Variants in CLASP2 observed in about 807,000 individuals in gnomAD.
CLASP2 encodes CLIP-associating protein 2.
Under a neutral mutation model 194.4 loss-of-function variants are expected in CLASP2, and 47 were observed. The ratio of observed to expected loss-of-function variants is 0.24; its 90% confidence interval spans 0.19 to 0.31. CLASP2 has a LOEUF of 0.31. Ranked by LOEUF, CLASP2 falls within the 10% of genes least tolerant of loss-of-function variation. The pLI is 1.00. For missense variants in CLASP2, 1,445 were observed against 1,823.6 expected, an observed-to-expected ratio of 0.79 and a Z score of 3.78; for synonymous variants, 619 against 633.5, an observed-to-expected ratio of 0.98 and a Z score of 0.34.
rs535016780 is a variant in CLASP2 at position 33,654,858 on chromosome 3, T to C, written c.715+8587A>G. Among the ~76,000 whole-genome samples, 10 of 152,242 alleles carry C rather than the reference T, an allele frequency of 6.6e-5. No homozygotes were observed. In the South Asian group the frequency reaches 1.0e-3, roughly 16 times the overall value. On this transcript the variant is annotated intron_variant, in intron 7 of 38. Coordinates refer to ENST00000682230, the MANE Select transcript of CLASP2 (RefSeq NM_001365631.1). ...CAAAGTTTAATAGAGGCCATGATAA[T>C]TGATAAAGTATCTTGAAATTTCTAG...
chr3:33,641,053 G>T (rs1487877556), intron 8 of CLASP2, among the ~76,000 whole-genome samples: 1 of 151,944 alleles, frequency 6.6e-6, no homozygotes, highest in Non-Finnish European at 1.5e-5. Flanking sequence ...TTAGATAAAT[G>T]ACCCTGGCAG....
intron 25 of CLASP2, 41 bp downstream of exon 25, chr3:33,573,069 C>G: frequency 6.2e-7 from 1 of 1,609,392 alleles, no homozygotes. Flanking sequence ...TCAAAAAGCG[C>G]TAACCTGATA....
intron 32 of CLASP2, among the ~76,000 whole-genome samples, chr3:33,539,460 G>A (rs1053328154): frequency 1.3e-5 from 2 of 151,620 alleles, no homozygotes; most frequent in African/African-American, 2.4e-5. Context: ...TCAGCCTCCC[G>A]AGTAGCTGGG....
chr3:33,587,317 G>A (rs1413731646), intron 21 of CLASP2, among the ~76,000 whole-genome samples: 1 of 152,046 alleles, frequency 6.6e-6, no homozygotes, highest in Non-Finnish European at 1.5e-5. Context: ...AGTAGAGACA[G>A]GGTTTCATCG....
At chr3:33,640,398 AAG>A (rs1302683237) in intron 8 of CLASP2, among the ~76,000 whole-genome samples, 2 of 152,198 alleles carry the variant, frequency 1.3e-5, no homozygotes, top group Admixed American at 1.3e-4. Context: ...AAATATCATA[AAG>A]ATTAGTAAGT....
At chr3:33,673,948 C>T (rs1414198299) in intron 6 of CLASP2, among the ~76,000 whole-genome samples, 1 of 152,106 alleles carries the variant, frequency 6.6e-6, no homozygotes. Flanking sequence ...TAAAGAAAGT[C>T]CTGAGTGACC....
chr3:33,683,085 CT>C (rs2090089651), intron 6 of CLASP2: 1 of 152,126 alleles, frequency 6.6e-6, no homozygotes, highest in African/African-American at 2.4e-5. Flanking sequence ...ACAGTACATA[CT>C]TTTAAAGGAT....
chr3:33,580,653 TTC>T (rs1388204487), intron 23 of CLASP2, among the ~76,000 whole-genome samples: 2 of 152,048 alleles, frequency 1.3e-5, no homozygotes, highest in African/African-American at 2.4e-5. Context: ...TAGAACTAGG[TTC>T]TCCCTGAGCA....
chr3:33,712,739 G>A (rs1408148991), intron 1 of CLASP2, among the ~76,000 whole-genome samples: 1 of 152,150 alleles, frequency 6.6e-6, no homozygotes, highest in Non-Finnish European at 1.5e-5. Context: ...AAGGCGGGTG[G>A]ATCATCTGAG....
Position 33,535,334 on chromosome 3 carries a change from C to A in CLASP2, c.3686G>T (p.Arg1229Leu). The change falls in exon 34 of 39, where the codon CGA (arginine) becomes CTA (leucine). Residue 1229 changes from arginine (R) to leucine (L), a missense_variant. Physicochemically the swap from Arg to Leu is moderately radical, Grantham distance 102 (BLOSUM62 -2). Coordinates refer to ENST00000682230, the MANE Select transcript of CLASP2 (RefSeq NM_001365631.1). ...TGAATAGTTATATGGATTATAGTCTCGAGAGCGTGGAGAGGAGTGAGTAGG... is the reference window on the plus strand; with the variant it reads ...TGAATAGTTATATGGATTATAGTCTAGAGAGCGTGGAGAGGAGTGAGTAGG... ...SMPTHSSPRS[R>L]DYNPYNYSDS... 1 of 1,613,718 alleles carries A rather than the reference C, an allele frequency of 6.2e-7. No homozygotes were observed. The highest frequency in any genetic ancestry group is 8.5e-7 in the Non-Finnish European group (1 of 1,179,810).
intron 6 of CLASP2, among the ~76,000 whole-genome samples, chr3:33,667,315 G>A (rs2086353185): frequency 1.3e-5 from 2 of 148,382 alleles, no homozygotes; most frequent in Admixed American, 1.4e-4. Context: ...AGTAGGCTGA[G>A]GCAGGAGAAT....
intron 27 of CLASP2, among the ~76,000 whole-genome samples, chr3:33,561,956 A>G (rs2061857050): frequency 1.3e-5 from 2 of 152,174 alleles, no homozygotes; most frequent in African/African-American, 4.8e-5. Flanking sequence ...CTCAAAAAGT[A>G]AATATGATAA....
In CLASP2 at chr3:33,672,277, C is replaced by A. The variant is rs181247691; in HGVS notation, c.645-8762G>T. On this transcript the variant is annotated intron_variant, in intron 6 of 38. Transcript: ENST00000682230. ...AGAGGAACGAGCTGACAGCAGCATT[C>A]GCGGTTCACGAAAAACCACTGTTCT... Among the ~76,000 whole-genome samples the A allele has an allele frequency of 3.5e-4, 53 of 152,278 alleles. No individual in the cohort carries two copies. In the Middle Eastern group the frequency reaches 0.02, roughly 59 times the overall value.
At chr3:33,552,919 C>G (rs937890499) in intron 29 of CLASP2, among the ~76,000 whole-genome samples, 7 of 152,086 alleles carry the variant, frequency 4.6e-5, no homozygotes, top group Non-Finnish European at 1.0e-4. Context: ...CTATAGTCAC[C>G]ATGTTGTACC....
intron 37 of CLASP2, chr3:33,505,039 A>G (rs976074300): frequency 6.6e-6 from 1 of 152,510 alleles, no homozygotes; most frequent in Non-Finnish European, 1.5e-5. Flanking sequence ...TATCTTCTTC[A>G]TCAGCTTCCT....
At chr3:33,564,354 C>T (rs917779459) in intron 27 of CLASP2, among the ~76,000 whole-genome samples, 4 of 152,150 alleles carry the variant, frequency 2.6e-5, no homozygotes, top group African/African-American at 9.7e-5. Flanking sequence ...AACTTTCTAG[C>T]ATCTCCCACT....
intron 25 of CLASP2, among the ~76,000 whole-genome samples, chr3:33,572,423 CA>C (rs1436735076): frequency 2.0e-5 from 3 of 152,130 alleles, no homozygotes; most frequent in African/African-American, 7.2e-5. Context: ...GTAAGTACAT[CA>C]AACTCTTATT....
intron 8 of CLASP2, among the ~76,000 whole-genome samples, chr3:33,635,814 T>C (rs1390327737): frequency 2.0e-5 from 3 of 152,078 alleles, no homozygotes; most frequent in African/African-American, 7.2e-5. Context: ...TCAAATCAAA[T>C]ATACAAACAA....
chr3:33,498,594 T>G lies in CLASP2; in HGVS notation c.*37A>C. ...TTGATGAGGGTGGTCTATCTGTCCT[T>G]TCTTTTGAGAGACCTGGTTCGCTGT... On this transcript the variant is annotated 3_prime_UTR_variant, in exon 39 of 39. Coordinates refer to ENST00000682230, the MANE Select transcript of CLASP2 (RefSeq NM_001365631.1). 7.0e-7 allele frequency: 1 copy of G among 1,421,224 alleles called. No homozygotes were observed. Among genetic ancestry groups the G allele is most frequent in the Non-Finnish European group, 9.9e-7 (1 of 1,008,922 alleles). 88.0% of individuals were successfully genotyped at this position (1,421,224 alleles called of 1,614,324 possible). A position where few individuals can be genotyped will look rare whatever the true frequency, so the allele number is the denominator to read the frequency against.
Sources: gnomAD v4.1 joint callset for allele counts (sites outside exome capture counted in the v4.1 genomes callset) on GRCh38, gnomAD v4.1.1 for gene constraint, MANE v1.5 for transcripts, NCBI Gene and HGNC (gene_info 2026-07-23, HGNC 2026-07-21) for gene names.